Variants in DEFB119 observed in about 807,000 individuals in gnomAD.
The protein encoded by DEFB119 is defensin beta 119, also known as beta-defensin 119.
Under a neutral mutation model 2.5 loss-of-function variants are expected in DEFB119, and 3 were observed. The observed-to-expected ratio is 1.19, with a 90% CI of 0.54 to 3.07. The LOEUF (loss-of-function observed/expected upper bound fraction) is 3.07. Among genes scored for constraint, DEFB119 ranks in the 30% most tolerant of loss-of-function variants. The probability of loss-of-function intolerance (pLI) is 0.03; values close to 1 mark genes in which losing one functional copy is unlikely to be tolerated. For missense variants in DEFB119, 113 were observed against 101.1 expected (o/e 1.12, Z -0.50); for synonymous variants, 29 against 33.7 (o/e 0.86, Z 0.48).
chr20:31,378,238 T>C (rs1986373753), intron 1 of DEFB119: 1 of 1,523,638 alleles, frequency 6.6e-7, no homozygotes, highest in Non-Finnish European at 9.0e-7. Flanking sequence ...CACACAGTAG[T>C]AACAGGGCCA....
intron 1 of DEFB119, chr20:31,378,402 G>A: frequency 6.2e-7 from 1 of 1,614,022 alleles, no homozygotes. Flanking sequence ...CTGTATCAGA[G>A]GAGACAAGCC....
intron 1 of DEFB119, among the ~76,000 whole-genome samples, chr20:31,382,781 A>G (rs1388972047): frequency 6.6e-6 from 1 of 152,242 alleles, no homozygotes; most frequent in Admixed American, 6.5e-5. Flanking sequence ...CACTGGGCTT[A>G]ACATCAGGCA....
rs186901050 is a variant in DEFB119 at position 31,377,418 on chromosome 20, C to T, written c.83G>A (p.Cys28Tyr). ...VISGKRHILR[C>Y]MGNSGICRAS... ...CCTACAAATTCCACTGTTACCCATG[C>T]ATCGAAGGATGTGGCGTTTGCCTGC... Residue 28 changes from cysteine to tyrosine, a missense_variant, in exon 2 of 2, where the codon TGC becomes TAC. By Grantham distance (194) the Cys-to-Tyr change is radical. Coordinates refer to ENST00000376321, the MANE Select transcript of DEFB119 (RefSeq NM_153289.4). 9.9e-5 allele frequency: 159 copies of T among 1,612,738 alleles called. No individual in the cohort carries two copies. The highest frequency in any genetic ancestry group is 3.3e-4 in the Admixed American group (20 of 59,764).
intron 1 of DEFB119, among the ~76,000 whole-genome samples, chr20:31,380,044 G>T (rs561733883): frequency 6.6e-6 from 1 of 152,214 alleles, no homozygotes; most frequent in African/African-American, 2.4e-5. Context: ...AAATAATCTT[G>T]CCCTGTTGTA....
intron 1 of DEFB119, among the ~76,000 whole-genome samples, chr20:31,384,542 G>A (rs1425654154): frequency 6.6e-6 from 1 of 152,188 alleles, no homozygotes; most frequent in East Asian, 1.9e-4. Context: ...GAATCAAAGT[G>A]AAGGAATAAT....
intron 1 of DEFB119, chr20:31,388,913 C>G: frequency 4.0e-6 from 6 of 1,511,812 alleles, no homozygotes; most frequent in Non-Finnish European, 5.3e-6. Context: ...CCTGCCATCC[C>G]CCCACCCTCA....
chr20:31,390,068 C>T (rs1330827237), intron 1 of DEFB119, among the ~76,000 whole-genome samples: 1 of 151,972 alleles, frequency 6.6e-6, no homozygotes, highest in Non-Finnish European at 1.5e-5. Context: ...CCTTCTATCA[C>T]TCCAATCCCA....
chr20:31,379,884 C>G (rs1986445390), intron 1 of DEFB119, among the ~76,000 whole-genome samples: 1 of 152,098 alleles, frequency 6.6e-6, no homozygotes, highest in Admixed American at 6.6e-5. Flanking sequence ...CCAGGATAGC[C>G]TCGATTTCCT....
intron 1 of DEFB119, chr20:31,388,850 C>T: frequency 8.6e-7 from 1 of 1,162,182 alleles, no homozygotes; most frequent in Non-Finnish European, 1.2e-6. Context: ...AATGATCACA[C>T]CATCGCTATG....
intron 1 of DEFB119, chr20:31,378,466 A>T: frequency 6.3e-7 from 1 of 1,597,484 alleles, no homozygotes; most frequent in South Asian, 1.1e-5. Context: ...AATATCAAAA[A>T]CATCCGCGTT....
intron 1 of DEFB119, chr20:31,388,160 T>A: frequency 1.0e-6 from 1 of 984,810 alleles, no homozygotes; most frequent in Non-Finnish European, 1.2e-6. Context: ...TTCTTAAATG[T>A]TCCCCATGAG....
At chr20:31,378,617 T>C (rs1305261346) in intron 1 of DEFB119, among the ~76,000 whole-genome samples, 1 of 152,202 alleles carries the variant, frequency 6.6e-6, no homozygotes, top group Non-Finnish European at 1.5e-5. Context: ...TATTCCACAG[T>C]ATAAATGTAG....
At position 31,389,167 on chromosome 20, in the gene DEFB119, C is replaced by T. The variant is rs762049328; in HGVS notation, c.61+1256G>A. On this transcript the variant is annotated intron_variant, in intron 1 of 1. Coordinates refer to ENST00000376321, the MANE Select transcript of DEFB119 (RefSeq NM_153289.4). ...ACAGCACCGTTTACGATTTCGGCAGCGTATGATGCTGTCTTCACCATCTTT... is the reference window on the plus strand; with the variant it reads ...ACAGCACCGTTTACGATTTCGGCAGTGTATGATGCTGTCTTCACCATCTTT... 1.2e-5 allele frequency: 20 copies of T among 1,614,086 alleles called. No homozygotes were observed. The Middle Eastern group carries it at 6.6e-4, about 53-fold the overall frequency.
At chr20:31,379,503 T>C (rs1986428360) in intron 1 of DEFB119, among the ~76,000 whole-genome samples, 1 of 72,172 alleles carries the variant, frequency 1.4e-5, no homozygotes, top group Non-Finnish European at 3.0e-5. Context: ...TGTTGAGTCT[T>C]TTTTTTTTGT....
chr20:31,378,458 T>C (rs1195806989), intron 1 of DEFB119: 2 of 1,603,940 alleles, frequency 1.2e-6, no homozygotes, highest in African/African-American at 1.3e-5. Flanking sequence ...AACATAATAA[T>C]ATCAAAAACA....
chr20:31,388,848 C>A, intron 1 of DEFB119: 1 of 1,146,064 alleles, frequency 8.7e-7, no homozygotes, highest in East Asian at 2.6e-5. Context: ...GTAATGATCA[C>A]ACCATCGCTA....
At chr20:31,387,953 T>C in intron 1 of DEFB119, 1 of 686,746 alleles carries the variant, frequency 1.5e-6, no homozygotes, top group Non-Finnish European at 1.8e-6. Context: ...ATAGTCTTCC[T>C]GGATGATAAT....
At chr20:31,386,117 G>A (rs557419542) in intron 1 of DEFB119, among the ~76,000 whole-genome samples, 1 of 150,556 alleles carries the variant, frequency 6.6e-6, no homozygotes, top group Non-Finnish European at 1.5e-5. Context: ...GGGTCACCAC[G>A]TGAGGGCTTT....
At chr20:31,378,466 AC>A (rs1352446255) in intron 1 of DEFB119, 4 of 1,597,366 alleles carry the variant, frequency 2.5e-6, no homozygotes, top group Non-Finnish European at 3.4e-6. Context: ...AATATCAAAA[AC>A]ATCCGCGTTC....
Sources: allele counts gnomAD v4.1 joint callset (sites outside exome capture counted in the v4.1 genomes callset), GRCh38; gene constraint gnomAD v4.1.1; transcripts MANE v1.5; gene names NCBI Gene and HGNC (gene_info 2026-07-23, HGNC 2026-07-21).